CLASP2: variants seen among roughly 807,000 people sequenced by gnomAD.
CLASP2 encodes CLIP-associating protein 2.
CLASP2 carries 47 observed loss-of-function variants against 194.4 expected under a neutral mutation model. The ratio of observed to expected loss-of-function variants is 0.24; its 90% CI spans 0.19 to 0.31. The LOEUF is 0.31. Among genes scored for constraint, CLASP2 ranks in the 10% least tolerant of loss-of-function variants. The pLI is 1.00. For missense variants in CLASP2, 1,445 were observed against 1,823.6 expected (o/e 0.79, Z 3.78); for synonymous variants, 619 against 633.5 (o/e 0.98, Z 0.34).
At chr3:33,609,211 C>A (rs1008274289) in intron 13 of CLASP2, among the ~76,000 whole-genome samples, 2 of 151,472 alleles carry the variant, frequency 1.3e-5, no homozygotes, top group Non-Finnish European at 2.9e-5. Flanking sequence ...ACCTGGGAAG[C>A]GGAGGTTGCA....
At chr3:33,618,299 T>C (rs1449267522) in intron 12 of CLASP2, among the ~76,000 whole-genome samples, 1 of 152,058 alleles carries the variant, frequency 6.6e-6, no homozygotes, top group Non-Finnish European at 1.5e-5. Flanking sequence ...ATTTAGACAT[T>C]AAAAAGAATT....
intron 1 of CLASP2, among the ~76,000 whole-genome samples, chr3:33,697,136 TAA>T (rs1265901499): frequency 2.6e-5 from 4 of 152,172 alleles, no homozygotes; most frequent in African/African-American, 9.7e-5. Flanking sequence ...TAATAACGTG[TAA>T]ACAGGAAGAT....
chr3:33,682,759 G>A (rs1015920483), intron 6 of CLASP2, among the ~76,000 whole-genome samples: 17 of 152,232 alleles, frequency 1.1e-4, no homozygotes, highest in African/African-American at 4.1e-4. Flanking sequence ...GGTTTTAAGA[G>A]TAGTGACTAA....
rs771331146 is a variant in CLASP2 at position 33,622,120 on chromosome 3, A to C, written c.1181+15T>G. 24 of 1,524,016 alleles carry C rather than the reference A, an allele frequency of 1.6e-5. No individual in the cohort carries two copies. The South Asian group carries it at 2.4e-4, about 16-fold the overall frequency. 94.4% of individuals were successfully genotyped at this position (1,524,016 alleles called of 1,614,324 possible). ...CATTCATAAAAAACACTTATCATAAAAGGAATATACTTACGCTACAGTAAT... is the reference window on the plus strand; with the variant it reads ...CATTCATAAAAAACACTTATCATAACAGGAATATACTTACGCTACAGTAAT... On this transcript the variant is annotated intron_variant, in intron 11 of 38. Transcript: ENST00000682230.
chr3:33,630,646 T>C (rs573834014), intron 9 of CLASP2, among the ~76,000 whole-genome samples: 2 of 152,214 alleles, frequency 1.3e-5, no homozygotes, highest in South Asian at 4.1e-4. Context: ...TTGCTGCTTA[T>C]GAAAAAGATG....
At chr3:33,688,194 A>G in intron 4 of CLASP2, 83 bp downstream of exon 4, 2 of 971,036 alleles carry the variant, frequency 2.1e-6, no homozygotes, top group Non-Finnish European at 3.0e-6. Flanking sequence ...TTATTACCAT[A>G]GCTTTCCTTG....
chr3:33,579,737 C>T (rs1006930289), intron 23 of CLASP2, among the ~76,000 whole-genome samples: 1 of 152,096 alleles, frequency 6.6e-6, no homozygotes, highest in African/African-American at 2.4e-5. Context: ...CTAAGAAGTA[C>T]ACACTATTAT....
chr3:33,603,900 G>A (rs376749771), intron 17 of CLASP2, among the ~76,000 whole-genome samples: 4 of 152,292 alleles, frequency 2.6e-5, no homozygotes, highest in African/African-American at 4.8e-5. Context: ...AACTGAGTGC[G>A]TCATGAGAAG....
chr3:33,631,842 C>T (rs546937206), intron 9 of CLASP2, among the ~76,000 whole-genome samples: 3 of 119,450 alleles, frequency 2.5e-5, no homozygotes, highest in East Asian at 2.5e-4. Flanking sequence ...TTTTACATCA[C>T]GAAAAAATAT....
intron 2 of CLASP2, among the ~76,000 whole-genome samples, chr3:33,691,215 T>C (rs776041942): frequency 1.3e-5 from 2 of 152,188 alleles, no homozygotes; most frequent in Admixed American, 6.5e-5. Flanking sequence ...GGGGGACTAC[T>C]ACATAGCTTT....
Position 33,626,981 on chromosome 3 carries a change from A to T in CLASP2, c.1035+7T>A. On this transcript the variant is annotated splice_region_variant and intron_variant, in intron 10 of 38. Transcript: ENST00000682230. ...AGAAGATAAGAAAATTAAAGACAAA[A>T]ACTTACTGCATTGGCACGCTGATCC... The T allele has an allele frequency of 6.5e-7, 1 of 1,545,218 alleles. No individual in the cohort carries two copies.
intron 38 of CLASP2, among the ~76,000 whole-genome samples, chr3:33,501,271 G>A (rs1289920275): frequency 6.6e-6 from 1 of 152,142 alleles, no homozygotes; most frequent in Non-Finnish European, 1.5e-5. Flanking sequence ...TATATTTGGA[G>A]AGATATACAG....
chr3:33,683,763 G>A (rs1302516921), intron 6 of CLASP2, among the ~76,000 whole-genome samples: 1 of 151,180 alleles, frequency 6.6e-6, no homozygotes, highest in Non-Finnish European at 1.5e-5. Context: ...TCAACATGAT[G>A]AAACCGTCTC....
intron 1 of CLASP2, among the ~76,000 whole-genome samples, chr3:33,704,748 G>A (rs1465962196): frequency 4.6e-5 from 7 of 151,308 alleles, no homozygotes; most frequent in Non-Finnish European, 8.8e-5. Flanking sequence ...TGGAGACGCA[G>A]TCTAAAAATA....
intron 18 of CLASP2, among the ~76,000 whole-genome samples, chr3:33,600,086 T>G (rs532642325): frequency 2.5e-4 from 38 of 152,210 alleles, no homozygotes; most frequent in African/African-American, 8.4e-4. Flanking sequence ...TATATATTTT[T>G]TTTGTGTGTG....
chr3:33,692,880 T>C (rs2154349188), intron 2 of CLASP2, among the ~76,000 whole-genome samples: 1 of 152,306 alleles, frequency 6.6e-6, no homozygotes, highest in African/African-American at 2.4e-5. Context: ...ACGTAACTCT[T>C]AGTATTTTTT....
At chr3:33,657,802 A>G (rs1009738981) in intron 7 of CLASP2, among the ~76,000 whole-genome samples, 3 of 152,218 alleles carry the variant, frequency 2.0e-5, no homozygotes, top group Admixed American at 1.3e-4. Flanking sequence ...TTAAATGTAC[A>G]TAATAGTTCA....
Position 33,717,897 on chromosome 3 carries a change from CG to C in CLASP2, c.105del (p.Gly36AlafsTer13), listed in dbSNP as rs1553695937. The C allele has an allele frequency of 1.3e-6, 2 of 1,556,044 alleles. No individual in the cohort carries two copies. Among genetic ancestry groups the C allele is most frequent in the East Asian group, 2.4e-5 (1 of 41,486 alleles). On this transcript the variant is annotated frameshift_variant, in exon 1 of 39. Transcript: ENST00000682230. LOFTEE classifies it high-confidence loss of function. ...GQELLLYLGA[P>X]GAISDLEEDL... ...TCCTCCTCCAGGTCCGAGATGGCGC[CG>C]GGGGCGCCAAGGTAGAGCAGGAGCT... is the stretch of plus-strand genomic sequence containing the variant.
chr3:33,702,586 C>G lies in CLASP2; in HGVS notation c.196-5653G>C, dbSNP rs184758868. 2.9e-4 allele frequency among the ~76,000 whole-genome samples: 44 copies of G among 151,572 alleles called. No individual in the cohort carries two copies. In the East Asian group the frequency reaches 6.6e-3, roughly 23 times the overall value. On this transcript the variant is annotated intron_variant, in intron 1 of 38. Transcript: ENST00000682230. ...GGACATAAAAAGCATAAACAACAAA[C>G]AAAAAAAGAATTAGAGTTTATCAAA...
Sources: allele counts gnomAD v4.1 joint callset (sites outside exome capture counted in the v4.1 genomes callset), GRCh38; gene constraint gnomAD v4.1.1; transcripts MANE v1.5; gene names NCBI Gene and HGNC (gene_info 2026-07-23, HGNC 2026-07-21).